Variants in TPRA1 observed in about 807,000 individuals in gnomAD.
The protein encoded by TPRA1 is transmembrane protein adipocyte associated 1.
In TPRA1, 28 loss-of-function variants were observed where a neutral mutation model predicts 40.1. The observed-to-expected ratio is 0.70, with a 90% CI of 0.52 to 0.96. The LOEUF is 0.96. TPRA1 is among the 40% of genes least tolerant of loss of function. The probability of loss-of-function intolerance (pLI) is 0.00; values close to 1 mark genes in which losing one functional copy is unlikely to be tolerated. For synonymous variants in TPRA1, 219 were observed against 209.7 expected (o/e 1.04, Z -0.38); for missense variants, 441 against 482.6 (o/e 0.91, Z 0.81).
chr3:127,579,868 G>A lies in TPRA1; in HGVS notation c.130C>T (p.Arg44Trp), dbSNP rs143031341. 1.1e-4 allele frequency: 182 copies of A among 1,613,566 alleles called. No individual in the cohort carries two copies. Among genetic ancestry groups the A allele is most frequent in the African/African-American group, 5.5e-4 (41 of 75,040 alleles). The change falls in exon 3 of 11, where the codon CGG becomes TGG. Residue 44 changes from arginine to tryptophan, a missense_variant. By Grantham distance (101) the Arg-to-Trp change is moderately radical. Transcript: ENST00000355552. ...LYEDIGTSRV[R>W]YWDLLLLIPN... Reference sequence around the variant, plus strand: ...ATGAGCAGCAAGAGGTCCCAGTACCGGACCCTGGCGGATGGGCACAGGAGC... The same window carrying A: ...ATGAGCAGCAAGAGGTCCCAGTACCAGACCCTGGCGGATGGGCACAGGAGC...
upstream of TPRA1, among the ~76,000 whole-genome samples, chr3:127,593,827 C>T (rs1325314758): frequency 6.6e-6 from 1 of 152,224 alleles, no homozygotes; most frequent in African/African-American, 2.4e-5. Flanking sequence ...CCCCGCTTCT[C>T]AGGGGCCATC....
intron 7 of TPRA1, 23 bp downstream of exon 7, chr3:127,575,917 A>AG (rs2073602244): frequency 6.2e-7 from 1 of 1,613,208 alleles, no homozygotes; most frequent in East Asian, 2.2e-5. Flanking sequence ...CAGCCACCCC[A>AG]GCTGCCCCAG....
At chr3:127,585,858 G>A (rs968871044) in intron 1 of TPRA1, among the ~76,000 whole-genome samples, 1 of 152,230 alleles carries the variant, frequency 6.6e-6, no homozygotes, top group Non-Finnish European at 1.5e-5. Context: ...AATGGTCTCT[G>A]GGGTGGAGCC....
intron 1 of TPRA1, among the ~76,000 whole-genome samples, chr3:127,597,642 C>A (rs1006321152): frequency 1.4e-4 from 22 of 152,164 alleles, no homozygotes; most frequent in Non-Finnish European, 2.9e-4. Flanking sequence ...CGTCTTCGCT[C>A]CCCTGGGCAA....
chr3:127,575,717 G>GCCTGTC, intron 8 of TPRA1, 32 bp downstream of exon 8: 1 of 1,611,130 alleles, frequency 6.2e-7, no homozygotes, highest in Non-Finnish European at 8.5e-7. Flanking sequence ...TCCCATCCCC[G>GCCTGTC]CCTGTCCCAG....
At chr3:127,588,876 G>A (rs1430649899) in intron 1 of TPRA1, among the ~76,000 whole-genome samples, 1 of 152,212 alleles carries the variant, frequency 6.6e-6, no homozygotes, top group Non-Finnish European at 1.5e-5. Context: ...AGGCAGAGAA[G>A]GGGTCAGTCC....
In TPRA1 at chr3:127,576,151, C is replaced by A; in HGVS notation, c.499-101G>T. Reference sequence around the variant, plus strand: ...AAGCCCCCTAAGCTCTCCACCACACCAAGTTCAGCCTCTTGGCCTGACCCT... The same window carrying A: ...AAGCCCCCTAAGCTCTCCACCACACAAAGTTCAGCCTCTTGGCCTGACCCT... On this transcript the variant is annotated intron_variant, in intron 6 of 10. Coordinates refer to ENST00000355552, the MANE Select transcript of TPRA1 (RefSeq NM_001136053.4). The surrounding 1 kb of genome is among the most constrained non-coding windows in gnomAD (Gnocchi z 4.6). 1.1e-6 allele frequency: 1 copy of A among 904,854 alleles called. No individual in the cohort carries two copies. The highest frequency in any genetic ancestry group is 1.8e-6 in the Non-Finnish European group (1 of 568,086). 56.1% of individuals were successfully genotyped at this position (904,854 alleles called of 1,614,324 possible).
upstream of TPRA1, chr3:127,590,905 G>A (rs889105107): frequency 6.6e-6 from 1 of 152,266 alleles, no homozygotes; most frequent in African/African-American, 2.4e-5. Flanking sequence ...CAGCACAGAG[G>A]AGGTGCAGAG....
chr3:127,583,995 AC>A (rs1165731922), intron 1 of TPRA1, among the ~76,000 whole-genome samples: 1 of 151,472 alleles, frequency 6.6e-6, no homozygotes, highest in African/African-American at 2.4e-5. Flanking sequence ...TGCTCAGCAG[AC>A]CTTAACTAGC....
At chr3:127,588,266 G>T (rs989705420) in intron 1 of TPRA1, 1 of 152,332 alleles carries the variant, frequency 6.6e-6, no homozygotes. Context: ...AAGGGCAGGG[G>T]TAGGGCTGAA....
At chr3:127,592,375 T>TG (rs2074190918), upstream of TPRA1, among the ~76,000 whole-genome samples, 3 of 131,610 alleles carry the variant, frequency 2.3e-5, no homozygotes, top group East Asian at 2.2e-4. Flanking sequence ...CTGTTTTTTT[T>TG]TTTTTTTTTT....
At chr3:127,581,921 CAAAAAAA>C (rs1169900565) in intron 1 of TPRA1, among the ~76,000 whole-genome samples, 11 of 89,446 alleles carry the variant, frequency 1.2e-4, no homozygotes, top group South Asian at 3.5e-4. Flanking sequence ...GACTCCATCT[CAAAAAAA>C]AAAAAAAAAG....
At chr3:127,584,528 G>A (rs2073942897) in intron 1 of TPRA1, among the ~76,000 whole-genome samples, 1 of 150,514 alleles carries the variant, frequency 6.6e-6, no homozygotes, top group Admixed American at 6.6e-5. Flanking sequence ...ACAGAGAGGT[G>A]GAGCAGAATG....
At chr3:127,592,953 G>A (rs2074203862), upstream of TPRA1, among the ~76,000 whole-genome samples, 1 of 152,182 alleles carries the variant, frequency 6.6e-6, no homozygotes, top group Non-Finnish European at 1.5e-5. Context: ...TTGGAACTGG[G>A]CCTGAGAAGG....
intron 8 of TPRA1, 48 bp from the exon 9 acceptor site, chr3:127,575,553 A>T: frequency 6.7e-7 from 1 of 1,492,960 alleles, no homozygotes; most frequent in Non-Finnish European, 9.0e-7. Context: ...TGGACAGGCC[A>T]GGCTCTGCCT....
rs1203865879 is a variant in TPRA1 at position 127,573,404 on chromosome 3, G to A, written c.*117C>T. On this transcript the variant is annotated 3_prime_UTR_variant, in exon 11 of 11. Transcript: ENST00000355552. The stretch of plus-strand genomic sequence containing the variant: ...GGCCTCCAGACTCATGGTGGGAACA[G>A]GGCCACACAGGGCTACTGCCCACAG... The A allele has an allele frequency of 1.2e-5, 16 of 1,357,402 alleles. No individual in the cohort carries two copies. Among genetic ancestry groups the A allele is most frequent in the Non-Finnish European group, 1.6e-5 (16 of 1,020,272 alleles). The allele number at this position is 1,357,402 out of a possible 1,614,324, so 84.1% of individuals were successfully genotyped here.
chr3:127,573,410 C>T lies in TPRA1; in HGVS notation c.*111G>A. ...CAGACTCATGGTGGGAACAGGGCCA[C>T]ACAGGGCTACTGCCCACAGAACGTC... On this transcript the variant is annotated 3_prime_UTR_variant, in exon 11 of 11. Coordinates refer to ENST00000355552, the MANE Select transcript of TPRA1 (RefSeq NM_001136053.4). The T allele has an allele frequency of 2.9e-6, 4 of 1,399,970 alleles. No homozygotes were observed. The highest frequency in any genetic ancestry group is 1.4e-5 in the African/African-American group (1 of 69,804). 86.7% of individuals were successfully genotyped at this position (1,399,970 alleles called of 1,614,324 possible). A position where few individuals can be genotyped will look rare whatever the true frequency, so the allele number is the denominator to read the frequency against.
In TPRA1 at chr3:127,578,290, G is replaced by A. The variant is rs374505855; in HGVS notation, c.259-1214C>T. Among the ~76,000 whole-genome samples, 12 of 152,340 alleles carry A rather than the reference G, an allele frequency of 7.9e-5. No individual in the cohort carries two copies. In the East Asian group the frequency reaches 1.2e-3, roughly 15 times the overall value. On this transcript the variant is annotated intron_variant, in intron 3 of 10. Coordinates refer to ENST00000355552, the MANE Select transcript of TPRA1 (RefSeq NM_001136053.4). Reference sequence around the variant, plus strand: ...TGCAGCTATGCAGACGACTTCATAGGTGCTCACATGAACACCATAGCTAAA... The same window carrying A: ...TGCAGCTATGCAGACGACTTCATAGATGCTCACATGAACACCATAGCTAAA...
chr3:127,591,092 G>A (rs1331752687), upstream of TPRA1: 3 of 152,202 alleles, frequency 2.0e-5, no homozygotes, highest in African/African-American at 7.2e-5. Flanking sequence ...CCTGGGCCGC[G>A]GCCGGACCGT....
Sources: gnomAD v4.1 joint callset for allele counts (sites outside exome capture counted in the v4.1 genomes callset) on GRCh38, gnomAD v4.1.1 for gene constraint, Gnocchi (gnomAD v3.1) non-coding constraint, MANE v1.5 for transcripts, NCBI Gene and HGNC (gene_info 2026-07-23, HGNC 2026-07-21) for gene names.